The following ADAP1 variants were observed in gnomAD, a reference collection of about 807,000 sequenced individuals.
ADAP1 encodes ArfGAP with dual PH domains 1.
A neutral mutation model predicts 54.9 loss-of-function variants in ADAP1; 31 were observed. The observed-to-expected ratio is 0.56, with a 90% confidence interval of 0.42 to 0.76. ADAP1 has a LOEUF of 0.76. Ranked by LOEUF, ADAP1 falls within the 30% of genes least tolerant of loss-of-function variation. ADAP1 has a pLI of 0.00. For missense variants in ADAP1, 535 were observed against 512.4 expected (o/e 1.04, Z -0.42); for synonymous variants, 313 against 202.6 (o/e 1.55, Z -4.63).
Position 926,432 on chromosome 7 carries a change from GCTGGCTTCTCC to G in ADAP1, c.305+110_305+120del. 2.4e-6 allele frequency: 2 copies of G among 825,416 alleles called. No homozygotes were observed. Among genetic ancestry groups the G allele is most frequent in the Non-Finnish European group, 3.6e-6 (2 of 552,912 alleles). The allele number at this position is 825,416 out of a possible 1,614,324, so 51.1% of individuals were successfully genotyped here. A position where few individuals can be genotyped will look rare whatever the true frequency, so the allele number is the denominator to read the frequency against. Reference sequence around the variant, plus strand: ...TCGGGGTCTGGGGGACGCAGCTGCGGCTGGCTTCTCCCCGACCCTGTGGGCGGCACCCAACT... The same window carrying G: ...TCGGGGTCTGGGGGACGCAGCTGCGGCCGACCCTGTGGGCGGCACCCAACT... On this transcript the variant is annotated intron_variant, in intron 3 of 10. Transcript: ENST00000265846. This position sits in a 1 kb window ranked among gnomAD's most constrained non-coding sequence, Gnocchi z 4.6.
intron 1 of ADAP1, 81 bp from the exon 2 acceptor site, chr7:935,586 C>G: frequency 6.6e-7 from 1 of 1,508,368 alleles, no homozygotes; most frequent in Non-Finnish European, 8.9e-7. Context: ...GAGTCAGGAG[C>G]CCCCGGCCAT....
intron 4 of ADAP1, among the ~76,000 whole-genome samples, chr7:908,031 C>A (rs927765476): frequency 2.0e-5 from 3 of 152,212 alleles, no homozygotes; most frequent in Non-Finnish European, 2.9e-5. Context: ...TCCGTGACCC[C>A]TCAGTGACTT....
chr7:936,266 T>C (rs1243394171), intron 1 of ADAP1, among the ~76,000 whole-genome samples: 3 of 152,144 alleles, frequency 2.0e-5, no homozygotes, highest in Admixed American at 6.5e-5. Context: ...GATGGCACGA[T>C]CTCGGCTCGC....
chr7:912,252 C>T (rs1216732044), intron 4 of ADAP1, among the ~76,000 whole-genome samples: 1 of 152,190 alleles, frequency 6.6e-6, no homozygotes, highest in Non-Finnish European at 1.5e-5. Context: ...CGCGTCTCAG[C>T]GAGACCAGGG....
rs575251645 is a variant in ADAP1, at chr7:947,070, G to A, written c.82+7326C>T. ...TCATTTTTTGTTTTTTTGAGAGAGG[G>A]TCTCTGTCACTCAGGCTGGAGTGCA... On this transcript the variant is annotated intron_variant, in intron 1 of 10. Transcript: ENST00000265846. Among the ~76,000 whole-genome samples, 164 of 152,040 alleles carry A rather than the reference G, an allele frequency of 1.1e-3. 1 individual carries two copies. Among genetic ancestry groups the A allele is most frequent in the Non-Finnish European group, 1.9e-3 (131 of 67,974 alleles).
Position 926,719 on chromosome 7 carries a change from G to A in ADAP1, c.214-75C>T. The A allele has an allele frequency of 2.4e-6, 3 of 1,253,652 alleles. No homozygotes were observed. The highest frequency in any genetic ancestry group is 3.3e-6 in the Non-Finnish European group (3 of 921,580). 77.7% of individuals were successfully genotyped at this position (1,253,652 alleles called of 1,614,324 possible). ...CTAGGAGGTGCCAGCTGCCCTTGGG[G>A]CCGTCACCACAGTGACCCGCAGACC... On this transcript the variant is annotated intron_variant, in intron 2 of 10. Transcript: ENST00000265846. This position sits in a 1 kb window ranked among gnomAD's most constrained non-coding sequence, Gnocchi z 4.6.
chr7:927,061 G>C (rs985764888), intron 2 of ADAP1: 2 of 1,288,106 alleles, frequency 1.6e-6, no homozygotes, highest in East Asian at 5.5e-5. Flanking sequence ...CTCACATTTA[G>C]CAAAGAGCCA....
At chr7:913,034 G>A (rs377080071) in intron 4 of ADAP1, among the ~76,000 whole-genome samples, 5 of 151,344 alleles carry the variant, frequency 3.3e-5, no homozygotes, top group African/African-American at 7.3e-5. Context: ...GTCTTGAGAC[G>A]GAGTCTCCCC....
intron 1 of ADAP1, among the ~76,000 whole-genome samples, 187 bp from the exon 2 acceptor site, chr7:935,692 G>A (rs1168602602): frequency 6.8e-6 from 1 of 147,824 alleles, no homozygotes; most frequent in Non-Finnish European, 1.5e-5. Context: ...CCTCTGCCCG[G>A]TGCAGACGGG....
At position 905,171 on chromosome 7, in the gene ADAP1, C is replaced by T. The variant is rs753077845; in HGVS notation, c.390G>A (p.Gly130=). 17 of 1,610,410 alleles carry T rather than the reference C, an allele frequency of 1.1e-5. No individual in the cohort carries two copies. The highest frequency in any genetic ancestry group is 1.3e-5 in the African/African-American group (1 of 74,802). Residue 130 remains glycine (G), a splice_region_variant and synonymous_variant, in exon 5 of 11, where the codon GGG becomes GGA. Coordinates refer to ENST00000265846, the MANE Select transcript of ADAP1 (RefSeq NM_006869.4). The stretch of plus-strand genomic sequence containing the variant: ...GCTTCCAGAGAAAACCCTCACGGTA[C>T]CCTGTGGGGGAAAGGGGACACGAGT... ...YPEKQEPYSA[G]YREGFLWKRG...
At chr7:921,283 T>G (rs958204461) in intron 3 of ADAP1, among the ~76,000 whole-genome samples, 10 of 152,132 alleles carry the variant, frequency 6.6e-5, no homozygotes. Context: ...CAGGACAACC[T>G]CACAACCTTA....
chr7:902,067 G>A (rs1048082419), intron 6 of ADAP1, among the ~76,000 whole-genome samples: 1 of 152,060 alleles, frequency 6.6e-6, no homozygotes, highest in Non-Finnish European at 1.5e-5. Context: ...CACAGCTGGG[G>A]GCCAAGCGTC....
intron 1 of ADAP1, among the ~76,000 whole-genome samples, chr7:952,027 C>T (rs1432108092): frequency 1.3e-5 from 2 of 152,114 alleles, no homozygotes; most frequent in African/African-American, 2.4e-5. Context: ...CCCCTCCCTC[C>T]CCCAAACCCC....
chr7:905,622 G>GGAAAGGA (rs1562912456), intron 4 of ADAP1: 3 of 37,600 alleles, frequency 8.0e-5, no homozygotes, highest in African/African-American at 4.5e-4. Flanking sequence ...AAGGAGAAAG[G>GGAAAGGA]GAAAGGAGAA....
At chr7:899,398 G>C (rs763716163) in intron 9 of ADAP1, 21 bp downstream of exon 9, 2 of 1,612,162 alleles carry the variant, frequency 1.2e-6, no homozygotes, top group East Asian at 4.5e-5. Flanking sequence ...CTCCCGTGCT[G>C]GGGCCACAGC....
chr7:950,856 C>CA (rs34720533), intron 1 of ADAP1, among the ~76,000 whole-genome samples: 1,554 of 84,816 alleles, frequency 0.018, 32 homozygotes, highest in Admixed American at 0.033. Context: ...GACTCCGTCT[C>CA]AAAAAAAAAA....
At chr7:939,446 C>T (rs1250451595) in intron 1 of ADAP1, among the ~76,000 whole-genome samples, 5 of 151,734 alleles carry the variant, frequency 3.3e-5, no homozygotes, top group South Asian at 2.1e-4. Context: ...CTCAAACTCC[C>T]GACTTAGGTG....
chr7:905,380 A>AAAGGAGAAAGGAG (rs1845103357), intron 4 of ADAP1: 2 of 269,646 alleles, frequency 7.4e-6, no homozygotes, highest in Middle Eastern at 7.8e-4. Flanking sequence ...GGGAAAGGAG[A>AAAGGAGAAAGGAG]AAGGAGAAAG....
Position 920,950 on chromosome 7 carries a change from A to G in ADAP1, c.306-900T>C, listed in dbSNP as rs370307946. On this transcript the variant is annotated intron_variant, in intron 3 of 10. Coordinates refer to ENST00000265846, the MANE Select transcript of ADAP1 (RefSeq NM_006869.4). This position sits in a 1 kb window ranked among gnomAD's most constrained non-coding sequence, Gnocchi z 4.5. ...GCTGGGCCCACGTGAACAGCCTTGG[A>G]GACTGGGCGGGAATCCTCGCCCACA... is the stretch of plus-strand genomic sequence containing the variant. 3.0e-6 allele frequency: 4 copies of G among 1,349,358 alleles called. No homozygotes were observed. In the African/African-American group the frequency reaches 4.3e-5, roughly 15 times the overall value. The allele number at this position is 1,349,358 out of a possible 1,614,324, so 83.6% of individuals were successfully genotyped here. A position where few individuals can be genotyped will look rare whatever the true frequency, so the allele number is the denominator to read the frequency against.
Sources: allele counts gnomAD v4.1 joint callset (sites outside exome capture counted in the v4.1 genomes callset), GRCh38; gene constraint gnomAD v4.1.1; non-coding constraint Gnocchi (gnomAD v3.1); transcripts MANE v1.5; gene names NCBI Gene and HGNC (gene_info 2026-07-23, HGNC 2026-07-21).